ERCC5: variants seen among roughly 807,000 people sequenced by gnomAD.
ERCC5 encodes DNA excision repair protein ERCC-5.
A neutral mutation model predicts 105.6 loss-of-function variants in ERCC5; 68 were observed. The ratio of observed to expected loss-of-function variants is 0.64; its 90% CI spans 0.53 to 0.79. The LOEUF (loss-of-function observed/expected upper bound fraction) is 0.79. Among genes scored for constraint, ERCC5 ranks in the 30% least tolerant of loss-of-function variants. The pLI is 0.00. For missense variants in ERCC5, 1,373 were observed against 1,426.7 expected (o/e 0.96, Z 0.61); for synonymous variants, 546 against 526.2 (o/e 1.04, Z -0.51).
intron 11 of ERCC5, among the ~76,000 whole-genome samples, chr13:102,867,123 G>A (rs1408743726): frequency 6.6e-6 from 1 of 152,202 alleles, no homozygotes; most frequent in Non-Finnish European, 1.5e-5. Context: ...AGGTGGTGGA[G>A]AGGGGAAGCA....
intron 11 of ERCC5, 43 bp downstream of exon 11, chr13:102,866,888 T>G (rs770978339): frequency 1.3e-6 from 2 of 1,562,154 alleles, no homozygotes; most frequent in Admixed American, 1.9e-5. Context: ...GACATTTACC[T>G]TCAGAGTTTG....
intron 13 of ERCC5, 152 bp downstream of exon 13, chr13:102,872,550 T>C: frequency 1.0e-6 from 1 of 986,778 alleles, no homozygotes; most frequent in Non-Finnish European, 1.5e-6. Context: ...CTTTCTTCCC[T>C]CTCCTCAGTT....
chr13:102,847,108 C>T (rs1881995452), intron 1 of ERCC5, among the ~76,000 whole-genome samples: 3 of 152,114 alleles, frequency 2.0e-5, no homozygotes, highest in South Asian at 2.1e-4. Flanking sequence ...AGTCTTGCCC[C>T]ATTTATGTTT....
Position 102,854,319 on chromosome 13 carries a change from C to G in ERCC5, c.412C>G (p.Arg138Gly). 6.2e-7 allele frequency: 1 copy of G among 1,614,030 alleles called. No homozygotes were observed. ...DEALPSLTQV[R>G]RENDLYVLPP... ...AGCACTACCCAGTCTTACCCAAGTT[C>G]GAAGAGAAAACGACCTCTATGTTTT... Residue 138 changes from arginine (R) to glycine (G), a missense_variant, in exon 4 of 15, where the codon CGA (arginine) becomes GGA (glycine). Around this residue, in one of 3 missense-constraint regions of ERCC5, gnomAD observed 1,004 missense variants for 1,059.7 expected, o/e 0.95. Coordinates refer to ENST00000652225, the MANE Select transcript of ERCC5 (RefSeq NM_000123.4).
intron 1 of ERCC5, among the ~76,000 whole-genome samples, chr13:102,851,441 C>T (rs4150258): frequency 0.41 from 62,571 of 151,806 alleles, 13,730 homozygotes; most frequent in East Asian, 0.75. Context: ...ACTACAGGTG[C>T]GCACCACCAT....
Position 102,872,224 on chromosome 13 carries a change from A to G in ERCC5, c.2705A>G (p.Asn902Ser). 2 of 1,614,166 alleles carry G rather than the reference A, an allele frequency of 1.2e-6. No individual in the cohort carries two copies. Among genetic ancestry groups the G allele is most frequent in the Non-Finnish European group, 1.7e-6 (2 of 1,180,022 alleles). ...GAATGGTGGCATGAAGCTCAAAAAA[A>G]TCCAAAGATAAGACCTAATCCTCAT... is the stretch of plus-strand genomic sequence containing the variant. ...FSEWWHEAQK[N>S]PKIRPNPHDT... Residue 902 changes from asparagine (N) to serine (S), a missense_variant, in exon 13 of 15, where the codon AAT becomes AGT. Coordinates refer to ENST00000652225, the MANE Select transcript of ERCC5 (RefSeq NM_000123.4).
rs551752983 is a variant in ERCC5, at chr13:102,869,309, G to T, written c.2678+1052G>T. ...TTATATACCGGGAATGAGTTATGAGGTAGACATACGTCATGGTAGGTAAAT... is the reference window on the plus strand; with the variant it reads ...TTATATACCGGGAATGAGTTATGAGTTAGACATACGTCATGGTAGGTAAAT... On this transcript the variant is annotated intron_variant, in intron 12 of 14. Coordinates refer to ENST00000652225, the MANE Select transcript of ERCC5 (RefSeq NM_000123.4). 2.6e-5 allele frequency among the ~76,000 whole-genome samples: 4 copies of T among 152,182 alleles called. No individual in the cohort carries two copies. The South Asian group carries it at 8.3e-4, about 32-fold the overall frequency.
Position 102,866,802 on chromosome 13 carries a change from G to A in ERCC5, c.2490G>A (p.Lys830=), listed in dbSNP as rs757711920. Residue 830 remains lysine, a synonymous_variant, in exon 11 of 15, where the codon AAG becomes AAA. Coordinates refer to ENST00000652225, the MANE Select transcript of ERCC5 (RefSeq NM_000123.4). ...HVYRNFFNKN[K]FVEYYQYVDF... ...ATAGAAACTTTTTTAATAAAAACAA[G>A]TTTGTAGAATATTATCAATATGTGG... The A allele has an allele frequency of 1.1e-5, 17 of 1,613,746 alleles. No individual in the cohort carries two copies. The highest frequency in any genetic ancestry group is 8.8e-5 in the South Asian group (8 of 91,038).
At chr13:102,872,956 T>C (rs1883081287) in intron 13 of ERCC5, among the ~76,000 whole-genome samples, 1 of 152,232 alleles carries the variant, frequency 6.6e-6, no homozygotes, top group African/African-American at 2.4e-5. Context: ...CTTAATGAAA[T>C]AGGCAAGATA....
chr13:102,846,547 C>T (rs1394243102), intron 1 of ERCC5, among the ~76,000 whole-genome samples, 193 bp downstream of exon 1: 1 of 152,076 alleles, frequency 6.6e-6, no homozygotes, highest in Admixed American at 6.5e-5. Context: ...TGGTTCCAGC[C>T]CCTCCTCCGT....
chr13:102,849,539 G>T (rs1328845672), intron 1 of ERCC5: 2 of 414,066 alleles, frequency 4.8e-6, no homozygotes, highest in African/African-American at 2.1e-5. Flanking sequence ...TAGGTATTTT[G>T]TTACATAGTG....
intron 4 of ERCC5, among the ~76,000 whole-genome samples, chr13:102,855,364 C>T (rs1201345718): frequency 1.3e-5 from 2 of 152,090 alleles, no homozygotes; most frequent in South Asian, 2.1e-4. Context: ...ATTCTCCTGC[C>T]TCAGCCTCCG....
chr13:102,851,900 G>A (rs78200973), intron 1 of ERCC5, among the ~76,000 whole-genome samples: 1 of 152,098 alleles, frequency 6.6e-6, no homozygotes, highest in East Asian at 1.9e-4. Context: ...GTCTTTGTAT[G>A]ATTTTAAAAT....
chr13:102,852,425 A>G (rs1882241797), intron 2 of ERCC5, 132 bp downstream of exon 2: 3 of 1,005,586 alleles, frequency 3.0e-6, no homozygotes, highest in African/African-American at 1.7e-5. Flanking sequence ...ATACTTAATT[A>G]CATCTACTTT....
At chr13:102,867,860 G>C (rs561941977) in intron 11 of ERCC5, among the ~76,000 whole-genome samples, 1 of 152,332 alleles carries the variant, frequency 6.6e-6, no homozygotes, top group East Asian at 1.9e-4. Context: ...CTGTGGTTCA[G>C]AGAGACTCAG....
chr13:102,846,343 T>C lies in ERCC5; in HGVS notation c.77T>C (p.Ile26Thr). The change falls in exon 1 of 15, where the codon ATC becomes ACC. Residue 26 changes from isoleucine (I) to threonine (T), a missense_variant. Ile to Thr is a moderately conservative substitution (Grantham distance 89, BLOSUM62 -1). Coordinates refer to ENST00000652225, the MANE Select transcript of ERCC5 (RefSeq NM_000123.4). ...AGCCCCGAAGCGCTGGAAGGGAAGA[T>C]CCTGGCTGTTGGTATCCTTAACGCC... The part of the protein sequence containing the change: ...QVSPEALEGK[I>T]LAVDISIWLN... 6.2e-7 allele frequency: 1 copy of C among 1,614,018 alleles called. No individual in the cohort carries two copies. Among genetic ancestry groups the C allele is most frequent in the Non-Finnish European group, 8.5e-7 (1 of 1,179,928 alleles).
chr13:102,851,718 A>G (rs887993715), intron 1 of ERCC5, among the ~76,000 whole-genome samples: 67 of 152,142 alleles, frequency 4.4e-4, no homozygotes, highest in African/African-American at 1.6e-3. Context: ...CTGAGGATCA[A>G]TGTCTGGAAG....
chr13:102,871,452 A>T (rs964189119), intron 12 of ERCC5, among the ~76,000 whole-genome samples: 4 of 152,184 alleles, frequency 2.6e-5, no homozygotes, highest in African/African-American at 9.7e-5. Context: ...GCTCACGTAG[A>T]ATATTGCCTA....
Position 102,866,688 on chromosome 13 carries a change from G to A in ERCC5, c.2376G>A (p.Ala792=), listed in dbSNP as rs147571137. The stretch of plus-strand genomic sequence containing the variant: ...TCCAGGCTCCCATGGAAGCAGAGGC[G>A]CAGTGCGCCATCCTGGACCTGACTG... ...PYIQAPMEAE[A]QCAILDLTDQ... The change falls in exon 11 of 15, where the codon GCG becomes GCA. Residue 792 remains alanine, a synonymous_variant. Transcript: ENST00000652225. 23 of 1,614,218 alleles carry A rather than the reference G, an allele frequency of 1.4e-5. No homozygotes were observed. The highest frequency in any genetic ancestry group is 4.5e-5 in the East Asian group (2 of 44,886).
Sources: gnomAD v4.1 joint callset for allele counts (sites outside exome capture counted in the v4.1 genomes callset) on GRCh38, gnomAD v4.1.1 for gene constraint, gnomAD v4.1.1 regional missense constraint, MANE v1.5 for transcripts, NCBI Gene and HGNC (gene_info 2026-07-23, HGNC 2026-07-21) for gene names.